Variants in MYEF2 observed in about 807,000 individuals in gnomAD.
The protein encoded by MYEF2 is myelin expression factor 2.
In MYEF2, 37 loss-of-function variants were observed where a neutral mutation model predicts 75.2. That is an observed-to-expected ratio of 0.49 (90% CI 0.38 to 0.65). The LOEUF is 0.65. Ranked by LOEUF, MYEF2 falls within the 30% of genes least tolerant of loss-of-function variation. MYEF2 has a pLI of 0.00. For synonymous variants in MYEF2, 195 were observed against 241.6 expected, an observed-to-expected ratio of 0.81 and a Z score of 1.79; for missense variants, 634 against 771.4, an observed-to-expected ratio of 0.82 and a Z score of 2.11.
chr15:48,168,118 G>A (rs1418501224), intron 2 of MYEF2, among the ~76,000 whole-genome samples: 2 of 151,826 alleles, frequency 1.3e-5, no homozygotes, highest in African/African-American at 4.8e-5. Flanking sequence ...AGATTATTCT[G>A]AAAACAAAAC....
In MYEF2 at chr15:48,139,363, T is replaced by C. The variant is rs761893527; in HGVS notation, c.*3545A>G. On this transcript the variant is annotated 3_prime_UTR_variant, in exon 17 of 17. Transcript: ENST00000324324. ...TGGAGTTTGTGAGTTGCATATTATATATAAACTGTATTTTCCACTGTTATT... is the reference window on the plus strand; with the variant it reads ...TGGAGTTTGTGAGTTGCATATTATACATAAACTGTATTTTCCACTGTTATT... The C allele has an allele frequency of 2.1e-6, 1 of 484,080 alleles. No homozygotes were observed. Among genetic ancestry groups the C allele is most frequent in the Non-Finnish European group, 3.7e-6 (1 of 271,816 alleles). The allele number at this position is 484,080 out of a possible 1,614,324, so 30.0% of individuals were successfully genotyped here.
intron 11 of MYEF2, 100 bp from the exon 12 acceptor site, chr15:48,152,042 C>T (rs1399200764): frequency 3.9e-6 from 5 of 1,279,264 alleles, no homozygotes; most frequent in Non-Finnish European, 5.7e-6. Flanking sequence ...CTTCATCCAC[C>T]CTACCTTGTG....
rs531253010 is a variant in MYEF2 at position 48,151,338 on chromosome 15, T to C, written c.1306+135A>G. The C allele has an allele frequency of 8.5e-5, 87 of 1,027,240 alleles. No individual in the cohort carries two copies. In the African/African-American group the frequency reaches 1.3e-3, roughly 16 times the overall value. The allele number at this position is 1,027,240 out of a possible 1,614,324, so 63.6% of individuals were successfully genotyped here. A position where few individuals can be genotyped will look rare whatever the true frequency, so the allele number is the denominator to read the frequency against. On this transcript the variant is annotated intron_variant, in intron 13 of 16. Coordinates refer to ENST00000324324, the MANE Select transcript of MYEF2 (RefSeq NM_016132.5). ...GAAAAAGAGAGCTAGCATATTAAAA[T>C]CCTTAAAGTGTTTTCTTCAGGTAAT...
rs777379312 is a variant in MYEF2 at position 48,137,897 on chromosome 15, T to C, written c.*5011A>G. On this transcript the variant is annotated 3_prime_UTR_variant, in exon 17 of 17. Coordinates refer to ENST00000324324, the MANE Select transcript of MYEF2 (RefSeq NM_016132.5). ...TCAGAAAATTCAGCTATGGTCAAAA[T>C]TATAAGTTCATGGGTTACCTTTTTA... is the stretch of plus-strand genomic sequence containing the variant. 8 of 152,128 alleles carry C rather than the reference T, an allele frequency of 5.3e-5. No individual in the cohort carries two copies. The highest frequency in any genetic ancestry group is 1.0e-4 in the Non-Finnish European group (7 of 68,004). The allele number at this position is 152,128 out of a possible 1,614,324, so 9.4% of individuals were successfully genotyped here.
At chr15:48,166,883 G>A (rs2040151332) in intron 3 of MYEF2, among the ~76,000 whole-genome samples, 1 of 151,908 alleles carries the variant, frequency 6.6e-6, no homozygotes, top group Non-Finnish European at 1.5e-5. Context: ...AATCGTAAAT[G>A]TCATTCATAC....
intron 9 of MYEF2, among the ~76,000 whole-genome samples, chr15:48,154,646 A>T (rs894847581): frequency 6.6e-6 from 1 of 152,160 alleles, no homozygotes; most frequent in African/African-American, 2.4e-5. Context: ...ATAATTATCA[A>T]TCTTTATACA....
Position 48,140,512 on chromosome 15 carries a change from C to T in MYEF2, c.*2396G>A, listed in dbSNP as rs980061770. 6.6e-6 allele frequency: 1 copy of T among 152,010 alleles called. No homozygotes were observed. The highest frequency in any genetic ancestry group is 1.5e-5 in the Non-Finnish European group (1 of 67,998). The allele number at this position is 152,010 out of a possible 1,614,324, so 9.4% of individuals were successfully genotyped here. A position where few individuals can be genotyped will look rare whatever the true frequency, so the allele number is the denominator to read the frequency against. On this transcript the variant is annotated 3_prime_UTR_variant, in exon 17 of 17. Transcript: ENST00000324324. ...AAATACATTTCTGAAAAATGTTGAC[C>T]TGACATCAAATTTAACAGAAGTATT...
Position 48,165,969 on chromosome 15 carries a change from T to A in MYEF2, c.489A>T (p.Lys163Asn). Reference sequence around the variant, plus strand: ...TAAGGGGTCTTCCACTAAGATCATATTTGTTCATAGTTTCTAGGGCTTTCT... The same window carrying A: ...TAAGGGGTCTTCCACTAAGATCATAATTGTTCATAGTTTCTAGGGCTTTCT... ...FVKKALETMNKYDLSGRPLNI... is the reference protein window; with the variant it reads ...FVKKALETMNNYDLSGRPLNI... The change falls in exon 5 of 17, where the codon AAA becomes AAT. Residue 163 changes from lysine (K) to asparagine (N), a missense_variant. Lys to Asn is a moderately conservative substitution (Grantham distance 94, BLOSUM62 0). Coordinates refer to ENST00000324324, the MANE Select transcript of MYEF2 (RefSeq NM_016132.5). 2 of 1,594,084 alleles carry A rather than the reference T, an allele frequency of 1.3e-6. No individual in the cohort carries two copies. The highest frequency in any genetic ancestry group is 1.1e-5 in the South Asian group (1 of 87,764).
Position 48,178,217 on chromosome 15 carries a change from G to A in MYEF2, c.21C>T (p.Ala7=), listed in dbSNP as rs922766510. The stretch of plus-strand genomic sequence containing the variant: ...CGCCACCAGTGGCCCCGGGCACCTC[G>A]GCCTTGTTGGCGTCCGCCATCCCGC... MADANK[A]EVPGATGGDS... is the part of the protein sequence containing the mutation. The change falls in exon 1 of 17, where the codon GCC becomes GCT. Residue 7 remains alanine (A), a synonymous_variant. Transcript: ENST00000324324. 2.1e-6 allele frequency: 3 copies of A among 1,429,012 alleles called. No homozygotes were observed. Among genetic ancestry groups the A allele is most frequent in the Admixed American group, 6.7e-5 (2 of 29,752 alleles). 88.5% of individuals were successfully genotyped at this position (1,429,012 alleles called of 1,614,324 possible).
Position 48,135,035 on chromosome 15 carries a change from TG to T in MYEF2, c.*7872del. The T allele has an allele frequency of 7.0e-7, 1 of 1,431,224 alleles. No homozygotes were observed. Among genetic ancestry groups the T allele is most frequent in the Non-Finnish European group, 9.8e-7 (1 of 1,022,022 alleles). The allele number at this position is 1,431,224 out of a possible 1,614,324, so 88.7% of individuals were successfully genotyped here. A position where few individuals can be genotyped will look rare whatever the true frequency, so the allele number is the denominator to read the frequency against. On this transcript the variant is annotated 3_prime_UTR_variant, in exon 17 of 17. Coordinates refer to ENST00000324324, the MANE Select transcript of MYEF2 (RefSeq NM_016132.5). ...AAAAATTAGAGATTTTATGAATTTC[TG>T]ATGGTTCAGTAATTTTTTTTCAGAA...
intron 9 of MYEF2, among the ~76,000 whole-genome samples, chr15:48,156,840 A>G (rs1378347977): frequency 1.3e-5 from 2 of 152,032 alleles, no homozygotes; most frequent in Non-Finnish European, 2.9e-5. Flanking sequence ...TTTAAATCCA[A>G]CAAAACAATT....
Position 48,136,761 on chromosome 15 carries a change from T to C in MYEF2, c.*6147A>G. ...GTTTTGACATTAAAATTAACCAATA[T>C]ATTATAAAGAAATGCAGTCCTTGCT... On this transcript the variant is annotated 3_prime_UTR_variant, in exon 17 of 17. Coordinates refer to ENST00000324324, the MANE Select transcript of MYEF2 (RefSeq NM_016132.5). The C allele has an allele frequency of 1.9e-6, 3 of 1,613,574 alleles. No homozygotes were observed. The highest frequency in any genetic ancestry group is 2.5e-6 in the Non-Finnish European group (3 of 1,179,750).
intron 1 of MYEF2, among the ~76,000 whole-genome samples, chr15:48,174,517 T>C (rs1289872433): frequency 6.6e-6 from 1 of 151,386 alleles, no homozygotes; most frequent in South Asian, 2.1e-4. Context: ...AAAGGCAACC[T>C]AAGAAATGAG....
At chr15:48,148,202 T>G (rs944122615) in intron 16 of MYEF2, among the ~76,000 whole-genome samples, 2 of 151,980 alleles carry the variant, frequency 1.3e-5, no homozygotes, top group African/African-American at 4.8e-5. Context: ...CTACAGTCGC[T>G]GAGATTCCAT....
rs2039034407 is a variant in MYEF2, at chr15:48,140,545, T to C, written c.*2363A>G. 6.6e-6 allele frequency: 1 copy of C among 152,140 alleles called. No individual in the cohort carries two copies. Among genetic ancestry groups the C allele is most frequent in the Admixed American group, 6.5e-5 (1 of 15,272 alleles). 9.4% of individuals were successfully genotyped at this position (152,140 alleles called of 1,614,324 possible). A position where few individuals can be genotyped will look rare whatever the true frequency, so the allele number is the denominator to read the frequency against. ...AAATTTAACAGAAGTATTAATAAAT[T>C]GGGACCATATGTTAGACTCAAGTAG... On this transcript the variant is annotated 3_prime_UTR_variant, in exon 17 of 17. Transcript: ENST00000324324.
chr15:48,140,939 C>A lies in MYEF2; in HGVS notation c.*1969G>T. ...TGTGCTACCTGGGTTACCCGAATTA[C>A]CAGCCTGATTCAAATATGTTGCTAG... is the stretch of plus-strand genomic sequence containing the variant. On this transcript the variant is annotated 3_prime_UTR_variant, in exon 17 of 17. Coordinates refer to ENST00000324324, the MANE Select transcript of MYEF2 (RefSeq NM_016132.5). 1.9e-6 allele frequency: 1 copy of A among 515,726 alleles called. No homozygotes were observed. Among genetic ancestry groups the A allele is most frequent in the Non-Finnish European group, 3.5e-6 (1 of 287,274 alleles). The allele number at this position is 515,726 out of a possible 1,614,324, so 31.9% of individuals were successfully genotyped here. A position where few individuals can be genotyped will look rare whatever the true frequency, so the allele number is the denominator to read the frequency against.
At position 48,151,559 on chromosome 15, in the gene MYEF2, C is replaced by G; in HGVS notation, c.1220G>C (p.Gly407Ala). The G allele has an allele frequency of 6.2e-7, 1 of 1,611,088 alleles. No individual in the cohort carries two copies. The highest frequency in any genetic ancestry group is 1.1e-5 in the South Asian group (1 of 90,368). Residue 407 changes from glycine (G) to alanine (A), a missense_variant, in exon 13 of 17, where the codon GGT (glycine) becomes GCT (alanine). By Grantham distance (60) the Gly-to-Ala change is moderately conservative. Transcript: ENST00000324324. ...TCGCTCCATGCTACTAGTCATCGCACCACGGTACAGCTCTGAAAAAATTGT... is the reference window on the plus strand; with the variant it reads ...TCGCTCCATGCTACTAGTCATCGCAGCACGGTACAGCTCTGAAAAAATTGT... ...GVGRMGELYR[G>A]AMTSSMERDF...
chr15:48,166,263 C>A (rs1271667023), intron 3 of MYEF2, 135 bp from the exon 4 acceptor site: 2 of 652,592 alleles, frequency 3.1e-6, no homozygotes, highest in African/African-American at 1.9e-5. Context: ...ATCTTTTATA[C>A]CTCCAGAACA....
chr15:48,134,740 C>A lies in MYEF2; in HGVS notation c.*8168G>T. 1 of 761,464 alleles carries A rather than the reference C, an allele frequency of 1.3e-6. No individual in the cohort carries two copies. Among genetic ancestry groups the A allele is most frequent in the Non-Finnish European group, 2.1e-6 (1 of 481,030 alleles). The allele number at this position is 761,464 out of a possible 1,614,324, so 47.2% of individuals were successfully genotyped here. On this transcript the variant is annotated 3_prime_UTR_variant, in exon 17 of 17. Coordinates refer to ENST00000324324, the MANE Select transcript of MYEF2 (RefSeq NM_016132.5). Reference sequence around the variant, plus strand: ...TTATGAAAGTCTGTGTAAGTTAGAACACAATTTTACATTTTTTTCTCTAAG... The same window carrying A: ...TTATGAAAGTCTGTGTAAGTTAGAAAACAATTTTACATTTTTTTCTCTAAG...
Sources: allele counts gnomAD v4.1 joint callset (sites outside exome capture counted in the v4.1 genomes callset), GRCh38; gene constraint gnomAD v4.1.1; transcripts MANE v1.5; gene names NCBI Gene and HGNC (gene_info 2026-07-23, HGNC 2026-07-21).